The following TRIM55 variants were observed in gnomAD, a reference collection of about 807,000 sequenced individuals.
TRIM55 encodes the protein tripartite motif-containing protein 55.
Under a neutral mutation model 60.9 loss-of-function variants are expected in TRIM55, and 50 were observed. The ratio of observed to expected loss-of-function variants is 0.82; its 90% confidence interval spans 0.65 to 1.04. The LOEUF is 1.04. Ranked by LOEUF, TRIM55 falls within the 50% of genes least tolerant of loss-of-function variation. TRIM55 has a pLI of 0.00. For synonymous variants in TRIM55, 237 were observed against 238.1 expected (o/e 1.00, Z 0.04); for missense variants, 681 against 666.9 (o/e 1.02, Z -0.23).
intron 4 of TRIM55, among the ~76,000 whole-genome samples, chr8:66,147,794 CAAAAAAAAAAAAA>C (rs1180935272): frequency 2.3e-5 from 1 of 44,196 alleles, no homozygotes; most frequent in East Asian, 6.5e-4. Context: ...GACTCCATCT[CAAAAAAAAAAAAA>C]AAAAAAAAAA....
intron 9 of TRIM55, chr8:66,155,776 T>C (rs904125065): frequency 1.8e-6 from 2 of 1,119,980 alleles, no homozygotes; most frequent in African/African-American, 3.1e-5. Context: ...GTTCCTCTTC[T>C]ATAGGCCCAG....
At chr8:66,154,371 G>GC (rs1563384189) in intron 9 of TRIM55, 37 bp downstream of exon 9, 1 of 1,599,546 alleles carries the variant, frequency 6.3e-7, no homozygotes, top group Non-Finnish European at 8.5e-7. Flanking sequence ...GCTTTCCCGC[G>GC]CCCCCTAGGG....
At chr8:66,113,832 G>T in the TRIM55 span, among the ~76,000 whole-genome samples, 43 of 152,346 alleles carry the variant, frequency 2.8e-4, no homozygotes, top group Non-Finnish European at 5.3e-4. Context: ...GGCTCGCAAC[G>T]GCTGCCGTGA....
chr8:66,152,367 A>T lies in TRIM55; in HGVS notation c.986-10A>T, dbSNP rs977647010. ...GTTATAACAATTTACAAGATACCTT[A>T]CCTTACCAGAAGATGAAGATGAAGA... is the stretch of plus-strand genomic sequence containing the variant. On this transcript the variant is annotated splice_polypyrimidine_tract_variant and intron_variant, in intron 7 of 9. Transcript: ENST00000315962. 4 of 1,566,380 alleles carry T rather than the reference A, an allele frequency of 2.6e-6. No homozygotes were observed. The highest frequency in any genetic ancestry group is 3.5e-6 in the Non-Finnish European group (4 of 1,156,638).
intron 9 of TRIM55, among the ~76,000 whole-genome samples, chr8:66,163,919 C>T (rs1303798495): frequency 6.6e-6 from 1 of 151,978 alleles, no homozygotes; most frequent in Non-Finnish European, 1.5e-5. Flanking sequence ...CTTACAGTAT[C>T]AGTTTTTGCC....
chr8:66,171,473 G>C (rs1241947920), intron 9 of TRIM55, among the ~76,000 whole-genome samples: 1 of 152,082 alleles, frequency 6.6e-6, no homozygotes, highest in Admixed American at 6.6e-5. Flanking sequence ...TTATTAGAAG[G>C]TATCCCTGTC....
intron 4 of TRIM55, among the ~76,000 whole-genome samples, chr8:66,146,749 T>C (rs1810116306): frequency 6.6e-6 from 1 of 152,230 alleles, no homozygotes; most frequent in Admixed American, 6.5e-5. Flanking sequence ...ATTGGAAAGC[T>C]ACTAATAGGT....
the TRIM55 span, among the ~76,000 whole-genome samples, chr8:66,120,363 A>G: frequency 6.6e-6 from 1 of 152,024 alleles, no homozygotes; most frequent in Non-Finnish European, 1.5e-5. Flanking sequence ...TGCCTTTGTT[A>G]TTCATCGTGG....
chr8:66,135,546 C>T (rs1809434615), intron 3 of TRIM55, among the ~76,000 whole-genome samples: 1 of 152,198 alleles, frequency 6.6e-6, no homozygotes, highest in Non-Finnish European at 1.5e-5. Context: ...GCTTTTTACC[C>T]TAGTCACAGA....
At chr8:66,135,667 C>T (rs1340695715) in intron 3 of TRIM55, among the ~76,000 whole-genome samples, 3 of 152,146 alleles carry the variant, frequency 2.0e-5, no homozygotes, top group Non-Finnish European at 4.4e-5. Context: ...TACAGAACAG[C>T]TTTAAAACAC....
At chr8:66,121,040 C>G in the TRIM55 span, among the ~76,000 whole-genome samples, 2 of 152,178 alleles carry the variant, frequency 1.3e-5, no homozygotes, top group Non-Finnish European at 1.5e-5. Flanking sequence ...TGGGCCCTGG[C>G]CCCTGAAAAA....
In TRIM55 at chr8:66,139,299, T is replaced by C. The variant is rs547896478; in HGVS notation, c.603+2109T>C. Among the ~76,000 whole-genome samples the C allele has an allele frequency of 2.0e-4, 30 of 152,194 alleles. 1 individual carries two copies. Among genetic ancestry groups the C allele is most frequent in the Non-Finnish European group, 2.4e-4 (16 of 68,026 alleles). ...TGTCTGTTGGAAGGAACAGGCTTTC[T>C]GTCTGGGATGGAGAAGCTGGAGAAT... On this transcript the variant is annotated intron_variant, in intron 4 of 9. Coordinates refer to ENST00000315962, the MANE Select transcript of TRIM55 (RefSeq NM_184085.2).
chr8:66,160,491 C>A (rs749444820), intron 9 of TRIM55, among the ~76,000 whole-genome samples: 2 of 152,022 alleles, frequency 1.3e-5, no homozygotes, highest in African/African-American at 2.4e-5. Flanking sequence ...GATGCAAGTG[C>A]AAGTATCTTT....
intron 9 of TRIM55, among the ~76,000 whole-genome samples, chr8:66,163,643 A>C (rs1277797514): frequency 1.3e-5 from 2 of 152,136 alleles, no homozygotes; most frequent in Admixed American, 1.3e-4. Context: ...AATATACTTT[A>C]TATGTTTCCA....
chr8:66,143,183 T>C (rs565309431), intron 4 of TRIM55, among the ~76,000 whole-genome samples: 1 of 152,308 alleles, frequency 6.6e-6, no homozygotes, highest in South Asian at 2.1e-4. Flanking sequence ...GTCTAAGAGC[T>C]TATCTTCAGC....
At chr8:66,133,934 AAC>A (rs148139671) in intron 2 of TRIM55, among the ~76,000 whole-genome samples, 67 of 151,096 alleles carry the variant, frequency 4.4e-4, no homozygotes, top group East Asian at 2.1e-3. Flanking sequence ...CACATACACA[AAC>A]ACACACACAC....
intron 2 of TRIM55, among the ~76,000 whole-genome samples, chr8:66,132,641 G>A (rs898078384): frequency 2.6e-5 from 4 of 152,150 alleles, no homozygotes; most frequent in African/African-American, 9.7e-5. Flanking sequence ...ACTGGGCCCT[G>A]ACCACAGCTG....
intron 9 of TRIM55, among the ~76,000 whole-genome samples, chr8:66,164,263 C>G (rs1248374971): frequency 1.3e-5 from 2 of 152,276 alleles, no homozygotes; most frequent in South Asian, 2.1e-4. Flanking sequence ...CAAGCACGGC[C>G]AAGCACAACA....
chr8:66,164,055 T>C (rs1811189039), intron 9 of TRIM55, among the ~76,000 whole-genome samples: 1 of 152,156 alleles, frequency 6.6e-6, no homozygotes, highest in Non-Finnish European at 1.5e-5. Flanking sequence ...TCTTTTTGTG[T>C]CTGCATGCTG....
Sources: allele counts gnomAD v4.1 joint callset (sites outside exome capture counted in the v4.1 genomes callset), GRCh38; gene constraint gnomAD v4.1.1; transcripts MANE v1.5; gene names NCBI Gene and HGNC (gene_info 2026-07-23, HGNC 2026-07-21).